Variants in DCLK1 observed in about 807,000 individuals in gnomAD.
DCLK1 encodes serine/threonine-protein kinase DCLK1.
DCLK1 carries 16 observed loss-of-function variants against 86.2 expected under a neutral mutation model. That is an observed-to-expected ratio of 0.19 (90% CI 0.13 to 0.28). The LOEUF (loss-of-function observed/expected upper bound fraction) is 0.28, where lower values mean the gene tolerates loss of function less well. Among genes scored for constraint, DCLK1 ranks in the 10% least tolerant of loss-of-function variants. DCLK1 has a pLI of 1.00. For missense variants in DCLK1, 590 were observed against 940.2 expected, an observed-to-expected ratio of 0.63 and a Z score of 4.87; for synonymous variants, 369 against 370.5, an observed-to-expected ratio of 1.00 and a Z score of 0.05.
chr13:35,780,975 T>C (rs114474067), intron 16 of DCLK1, among the ~76,000 whole-genome samples: 2 of 152,382 alleles, frequency 1.3e-5, no homozygotes, highest in Admixed American at 6.5e-5. Flanking sequence ...TGGCCTCTTC[T>C]GTTACAATGA....
chr13:36,019,966 T>C (rs1881705484), intron 3 of DCLK1, among the ~76,000 whole-genome samples: 1 of 152,240 alleles, frequency 6.6e-6, no homozygotes, highest in African/African-American at 2.4e-5. Context: ...GGATTTTTCA[T>C]GAATGGCTTT....
chr13:35,974,352 CACAG>C (rs1566628135), intron 3 of DCLK1, among the ~76,000 whole-genome samples: 1 of 152,148 alleles, frequency 6.6e-6, no homozygotes, highest in African/African-American at 2.4e-5. Context: ...GGAATTTGGT[CACAG>C]ACAGATGCAG....
rs151148369 is a variant in DCLK1, at chr13:35,771,596, G to C, written c.*2939C>G. 1 of 152,260 alleles carries C rather than the reference G, an allele frequency of 6.6e-6. No homozygotes were observed. Among genetic ancestry groups the C allele is most frequent in the Non-Finnish European group, 1.5e-5 (1 of 68,024 alleles). 9.4% of individuals were successfully genotyped at this position (152,260 alleles called of 1,614,324 possible). A position where few individuals can be genotyped will look rare whatever the true frequency, so the allele number is the denominator to read the frequency against. On this transcript the variant is annotated 3_prime_UTR_variant, in exon 17 of 17. Transcript: ENST00000360631. The stretch of plus-strand genomic sequence containing the variant: ...TTTACACGATGCAAGTAATGAAAGA[G>C]TTCTTCCTTAACTAGTCTACTATCA...
At chr13:35,952,820 T>C (rs1396929951) in intron 3 of DCLK1, among the ~76,000 whole-genome samples, 2 of 152,158 alleles carry the variant, frequency 1.3e-5, no homozygotes, top group African/African-American at 4.8e-5. Context: ...AGACTCTATG[T>C]GATGGTGCTT....
chr13:35,899,424 T>C (rs1874216257), intron 4 of DCLK1, among the ~76,000 whole-genome samples: 1 of 151,612 alleles, frequency 6.6e-6, no homozygotes, highest in Non-Finnish European at 1.5e-5. Context: ...AAGTGTACAT[T>C]GTACTATACA....
At chr13:35,964,453 C>T (rs530720985) in intron 3 of DCLK1, among the ~76,000 whole-genome samples, 14 of 152,326 alleles carry the variant, frequency 9.2e-5, no homozygotes, top group Middle Eastern at 3.4e-3. Context: ...AAACTTCCGT[C>T]TTCCTTTCCT....
chr13:36,099,863 T>G (rs866287147), intron 3 of DCLK1, among the ~76,000 whole-genome samples: 8 of 152,196 alleles, frequency 5.3e-5, no homozygotes, highest in Middle Eastern at 3.4e-3. Flanking sequence ...GATTAGATTT[T>G]CTCCAACTGA....
chr13:35,932,891 C>T (rs530781725), intron 4 of DCLK1, among the ~76,000 whole-genome samples: 5 of 152,356 alleles, frequency 3.3e-5, no homozygotes, highest in East Asian at 1.9e-4. Context: ...AAAGTCTTAA[C>T]TCATTTCAGC....
chr13:36,046,178 C>T (rs1379982091), intron 3 of DCLK1, among the ~76,000 whole-genome samples: 1 of 152,174 alleles, frequency 6.6e-6, no homozygotes, highest in Non-Finnish European at 1.5e-5. Context: ...GCTTAATAAG[C>T]TTGCAGAAGC....
At chr13:35,875,071 C>G (rs755659487) in intron 4 of DCLK1, among the ~76,000 whole-genome samples, 9 of 152,220 alleles carry the variant, frequency 5.9e-5, no homozygotes, top group Non-Finnish European at 5.9e-5. Context: ...TGCATAGAGT[C>G]TTTTCACCAG....
At chr13:35,943,343 G>A (rs915759734) in intron 4 of DCLK1, among the ~76,000 whole-genome samples, 5 of 152,074 alleles carry the variant, frequency 3.3e-5, no homozygotes, top group African/African-American at 1.2e-4. Context: ...CCTTGATTTT[G>A]GACTTCTTGC....
chr13:35,931,645 T>A (rs951467074), intron 4 of DCLK1, among the ~76,000 whole-genome samples: 5 of 152,122 alleles, frequency 3.3e-5, no homozygotes, highest in Non-Finnish European at 7.3e-5. Flanking sequence ...GTATTGGATA[T>A]CAAGAGAAGT....
chr13:36,105,522 TA>T (rs1473689760), intron 3 of DCLK1, among the ~76,000 whole-genome samples: 1 of 152,168 alleles, frequency 6.6e-6, no homozygotes, highest in Non-Finnish European at 1.5e-5. Flanking sequence ...CTATTTCCAA[TA>T]GGAGGATAAA....
At chr13:36,118,392 G>A (rs927381352) in intron 2 of DCLK1, among the ~76,000 whole-genome samples, 2 of 152,170 alleles carry the variant, frequency 1.3e-5, no homozygotes, top group Admixed American at 6.5e-5. Flanking sequence ...TTGACTGGAT[G>A]TGGGTTCCGA....
intron 5 of DCLK1, among the ~76,000 whole-genome samples, chr13:35,868,022 C>CT (rs548370259): frequency 0.012 from 1,399 of 118,542 alleles, 61 homozygotes; most frequent in African/African-American, 0.038. Flanking sequence ...ACCTACAGCT[C>CT]TTTTTTTTTT....
At chr13:36,082,526 G>A (rs150963079) in intron 3 of DCLK1, among the ~76,000 whole-genome samples, 129 of 152,232 alleles carry the variant, frequency 8.5e-4, no homozygotes, top group Non-Finnish European at 1.6e-3. Flanking sequence ...AGGGTGAACT[G>A]TACTTGATAT....
intron 16 of DCLK1, among the ~76,000 whole-genome samples, chr13:35,786,345 T>G (rs2086620723): frequency 6.6e-6 from 1 of 152,256 alleles, no homozygotes; most frequent in South Asian, 2.1e-4. Context: ...TTTTTAATTG[T>G]ATATTAACTT....
chr13:35,812,332 C>G (rs998239837), intron 11 of DCLK1, among the ~76,000 whole-genome samples: 1 of 151,334 alleles, frequency 6.6e-6, no homozygotes, highest in African/African-American at 2.4e-5. Flanking sequence ...TTCACGAATG[C>G]CTCAAGGAAG....
intron 3 of DCLK1, among the ~76,000 whole-genome samples, chr13:36,006,067 C>T (rs895647771): frequency 1.6e-4 from 24 of 152,014 alleles, no homozygotes; most frequent in Middle Eastern, 3.4e-3. Context: ...CTAATGCATG[C>T]GGGGCTTAAA....
Sources: gnomAD v4.1 joint callset for allele counts (sites outside exome capture counted in the v4.1 genomes callset) on GRCh38, gnomAD v4.1.1 for gene constraint, MANE v1.5 for transcripts, NCBI Gene and HGNC (gene_info 2026-07-23, HGNC 2026-07-21) for gene names.